KCNK10: variants seen among roughly 807,000 people sequenced by gnomAD.
KCNK10 encodes potassium two pore domain channel subfamily K member 10.
KCNK10 carries 25 observed loss-of-function variants against 47.7 expected under a neutral mutation model. The observed-to-expected ratio is 0.52, with a 90% confidence interval of 0.38 to 0.73. KCNK10 has a LOEUF of 0.73. KCNK10 is among the 30% of genes least tolerant of loss of function. KCNK10 has a pLI of 0.00. For missense variants in KCNK10, 563 were observed against 714.5 expected, an observed-to-expected ratio of 0.79 and a Z score of 2.42; for synonymous variants, 303 against 285.6, an observed-to-expected ratio of 1.06 and a Z score of -0.61.
At chr14:88,240,027 C>T (rs577610601) in intron 3 of KCNK10, among the ~76,000 whole-genome samples, 5 of 152,202 alleles carry the variant, frequency 3.3e-5, no homozygotes. Context: ...ACTGTTCACT[C>T]TATGATCAGC....
intron 1 of KCNK10, among the ~76,000 whole-genome samples, chr14:88,300,487 A>G (rs1386428943): frequency 1.3e-5 from 2 of 152,224 alleles, no homozygotes; most frequent in Non-Finnish European, 2.9e-5. Context: ...TACCACAAGC[A>G]CTAAACATAT....
chr14:88,185,633 A>G lies in KCNK10; in HGVS notation c.1534T>C (p.Cys512Arg), dbSNP rs1884522865. ...DNSSTAMLTD[C>R]IQQHAELENG... ...TCCAACTCAGCGTGCTGCTGGATAC[A>G]GTCCGTCAGCATGGCTGTGCTGGAG... The change falls in exon 7 of 7, where the codon TGT becomes CGT. Residue 512 changes from cysteine to arginine, a missense_variant. Physicochemically the swap from Cys to Arg is radical, Grantham distance 180. Coordinates refer to ENST00000319231, the MANE Select transcript of KCNK10 (RefSeq NM_138317.3). The surrounding 1 kb of genome is among the most constrained non-coding windows in gnomAD (Gnocchi z 4.3). 2.5e-6 allele frequency: 4 copies of G among 1,614,206 alleles called. No homozygotes were observed. The highest frequency in any genetic ancestry group is 3.4e-6 in the Non-Finnish European group (4 of 1,180,028).
intron 1 of KCNK10, among the ~76,000 whole-genome samples, chr14:88,281,727 C>CAT (rs10541410): frequency 0.11 from 15,083 of 141,508 alleles, 830 homozygotes; most frequent in African/African-American, 0.12. Flanking sequence ...TCTCTCTCTC[C>CAT]ATATATATAT....
intron 4 of KCNK10, among the ~76,000 whole-genome samples, chr14:88,194,048 G>A (rs146408521): frequency 6.6e-6 from 1 of 152,124 alleles, no homozygotes; most frequent in Non-Finnish European, 1.5e-5. Context: ...GAAGGCATCT[G>A]GTATATAAAA....
chr14:88,312,627 A>G (rs1389779513), intron 1 of KCNK10, among the ~76,000 whole-genome samples: 2 of 152,212 alleles, frequency 1.3e-5, no homozygotes, highest in Non-Finnish European at 2.9e-5. Context: ...GGACATTGCA[A>G]AGAAAGGGAC....
At chr14:88,268,292 C>A (rs776833682) in intron 1 of KCNK10, among the ~76,000 whole-genome samples, 2 of 152,144 alleles carry the variant, frequency 1.3e-5, no homozygotes, top group Non-Finnish European at 2.9e-5. Context: ...TGGGAGCAGC[C>A]CGGGAGCAAC....
chr14:88,302,583 G>A (rs368793805), intron 1 of KCNK10, among the ~76,000 whole-genome samples: 36 of 152,200 alleles, frequency 2.4e-4, no homozygotes, highest in African/African-American at 8.2e-4. Flanking sequence ...GGTGGCACAT[G>A]CCTGTTATCC....
At chr14:88,274,519 T>G (rs930724919) in intron 1 of KCNK10, among the ~76,000 whole-genome samples, 1 of 109,736 alleles carries the variant, frequency 9.1e-6, no homozygotes, top group African/African-American at 3.4e-5. Context: ...CCACTGCACT[T>G]TAGCCTGGGT....
intron 2 of KCNK10, among the ~76,000 whole-genome samples, chr14:88,254,755 C>T (rs1369563896): frequency 4.6e-5 from 7 of 152,086 alleles, no homozygotes; most frequent in Non-Finnish European, 5.9e-5. Flanking sequence ...ACACAGTGAC[C>T]GCCAAATCAA....
At chr14:88,321,162 T>C (rs1888538618) in intron 1 of KCNK10, among the ~76,000 whole-genome samples, 1 of 152,204 alleles carries the variant, frequency 6.6e-6, no homozygotes, top group South Asian at 2.1e-4. Flanking sequence ...TTTCAGTTCA[T>C]CATATACACA....
At chr14:88,315,381 G>A (rs1465980443) in intron 1 of KCNK10, among the ~76,000 whole-genome samples, 1 of 152,114 alleles carries the variant, frequency 6.6e-6, no homozygotes, top group Non-Finnish European at 1.5e-5. Flanking sequence ...TCATCTCTAA[G>A]CTTTTCCTCC....
chr14:88,184,569 A>G lies in KCNK10; in HGVS notation c.*966T>C, dbSNP rs1884478018. On this transcript the variant is annotated 3_prime_UTR_variant, in exon 7 of 7. Coordinates refer to ENST00000319231, the MANE Select transcript of KCNK10 (RefSeq NM_138317.3). ...CCTCAGTGTGTCTCAGAAATGCAGG[A>G]TGTCTACTTTTGTAAAAATGTAGGA... 1 of 152,350 alleles carries G rather than the reference A, an allele frequency of 6.6e-6. No homozygotes were observed. Among genetic ancestry groups the G allele is most frequent in the Non-Finnish European group, 1.5e-5 (1 of 68,042 alleles). 9.4% of individuals were successfully genotyped at this position (152,350 alleles called of 1,614,324 possible). A position where few individuals can be genotyped will look rare whatever the true frequency, so the allele number is the denominator to read the frequency against.
chr14:88,295,992 C>T (rs1401061441), intron 1 of KCNK10, among the ~76,000 whole-genome samples: 1 of 152,208 alleles, frequency 6.6e-6, no homozygotes, highest in African/African-American at 2.4e-5. Flanking sequence ...CTTCTCTGGG[C>T]CTGCTGGGCA....
At chr14:88,276,943 T>A (rs1040561635) in intron 1 of KCNK10, among the ~76,000 whole-genome samples, 5 of 152,272 alleles carry the variant, frequency 3.3e-5, no homozygotes, top group African/African-American at 1.2e-4. Flanking sequence ...GATAGACGTG[T>A]ACTTTACAAA....
intron 2 of KCNK10, among the ~76,000 whole-genome samples, chr14:88,244,347 C>T (rs1257381062): frequency 1.3e-5 from 2 of 152,074 alleles, no homozygotes; most frequent in African/African-American, 2.4e-5. Flanking sequence ...TCAAGTAAAA[C>T]ATTTTAAAAT....
At chr14:88,198,491 A>G (rs986109681) in intron 4 of KCNK10, among the ~76,000 whole-genome samples, 4 of 152,214 alleles carry the variant, frequency 2.6e-5, no homozygotes, top group Non-Finnish European at 4.4e-5. Flanking sequence ...GAAGCATACA[A>G]TAATACTACA....
At chr14:88,233,376 A>G (rs1886208123) in intron 3 of KCNK10, among the ~76,000 whole-genome samples, 1 of 152,252 alleles carries the variant, frequency 6.6e-6, no homozygotes. Flanking sequence ...AGTAAGAAAG[A>G]GAGGTCATTT....
At chr14:88,221,744 G>GTTCAAGCAAAAA (rs1885816673) in intron 4 of KCNK10, among the ~76,000 whole-genome samples, 1 of 152,146 alleles carries the variant, frequency 6.6e-6, no homozygotes, top group Non-Finnish European at 1.5e-5. Flanking sequence ...CAAAAAACCT[G>GTTCAAGCAAAAA]TGCACAGAGG....
At chr14:88,302,821 G>C (rs996844179) in intron 1 of KCNK10, among the ~76,000 whole-genome samples, 3 of 152,196 alleles carry the variant, frequency 2.0e-5, no homozygotes, top group Non-Finnish European at 4.4e-5. Flanking sequence ...TGTCAAAATT[G>C]CTAGGAAGGG....
Sources: allele counts gnomAD v4.1 joint callset (sites outside exome capture counted in the v4.1 genomes callset), GRCh38; gene constraint gnomAD v4.1.1; non-coding constraint Gnocchi (gnomAD v3.1); transcripts MANE v1.5; gene names NCBI Gene and HGNC (gene_info 2026-07-23, HGNC 2026-07-21).